USP14: variants seen among roughly 807,000 people sequenced by gnomAD.
USP14 encodes the protein ubiquitin specific peptidase 14, also known as ubiquitin carboxyl-terminal hydrolase 14.
In USP14, 38 loss-of-function variants were observed where a neutral mutation model predicts 76.5. The observed-to-expected ratio is 0.50, with a 90% confidence interval of 0.38 to 0.65. The LOEUF (loss-of-function observed/expected upper bound fraction) is 0.65, where lower values mean the gene tolerates loss of function less well. USP14 is among the 30% of genes least tolerant of loss of function. USP14 has a pLI of 0.00. For synonymous variants in USP14, 192 were observed against 191.7 expected, an observed-to-expected ratio of 1.00 and a Z score of -0.01; for missense variants, 467 against 586.5, an observed-to-expected ratio of 0.80 and a Z score of 2.10.
At position 214,611 on chromosome 18, in the gene USP14, GAA is replaced by G. The variant is rs752029619; in HGVS notation, c.*3336_*3337del. On this transcript the variant is annotated 3_prime_UTR_variant, in exon 16 of 16. Coordinates refer to ENST00000261601, the MANE Select transcript of USP14 (RefSeq NM_005151.4). ...AAATCTATCACAGTTTTAATAAAAA[GAA>G]AAAAAAAAGAAGCTAACTATTTGTC... The G allele has an allele frequency of 7.6e-5, 108 of 1,422,496 alleles. No homozygotes were observed. Among genetic ancestry groups the G allele is most frequent in the Non-Finnish European group, 1.0e-4 (106 of 1,046,736 alleles). The allele number at this position is 1,422,496 out of a possible 1,614,324, so 88.1% of individuals were successfully genotyped here. A position where few individuals can be genotyped will look rare whatever the true frequency, so the allele number is the denominator to read the frequency against.
rs1387910714 is a variant in USP14, at chr18:184,713, A to AGCCATCAGTGT, written c.404+4379_404+4389dup. Among the ~76,000 whole-genome samples the AGCCATCAGTGT allele has an allele frequency of 7.4e-4, 113 of 152,310 alleles. 1 individual carries two copies. The highest frequency in any genetic ancestry group is 2.5e-3 in the African/African-American group (104 of 41,552). The stretch of plus-strand genomic sequence containing the variant: ...AGCCTGGGAGGTCGAGTCTGCAGTG[A>AGCCATCAGTGT]GCCATCAGTGTGCCACTGCACTCCA... On this transcript the variant is annotated intron_variant, in intron 5 of 15. Coordinates refer to ENST00000261601, the MANE Select transcript of USP14 (RefSeq NM_005151.4).
intron 5 of USP14, among the ~76,000 whole-genome samples, chr18:190,144 A>T (rs1454734891): frequency 6.6e-6 from 1 of 152,140 alleles, no homozygotes; most frequent in East Asian, 1.9e-4. Flanking sequence ...TATATAGTAT[A>T]GTATTCCGTT....
At chr18:209,204 GTA>G (rs1910607428) in intron 13 of USP14, among the ~76,000 whole-genome samples, 1 of 150,722 alleles carries the variant, frequency 6.6e-6, no homozygotes, top group African/African-American at 2.4e-5. Context: ...GTGTTTCTTT[GTA>G]TAGTTTTTTC....
intron 13 of USP14, among the ~76,000 whole-genome samples, chr18:208,960 G>C (rs1387746091): frequency 6.6e-6 from 1 of 152,158 alleles, no homozygotes; most frequent in Non-Finnish European, 1.5e-5. Context: ...TGGCCAGGCT[G>C]GTCTCGAGCT....
intron 3 of USP14, among the ~76,000 whole-genome samples, chr18:174,081 T>G (rs1244134364): frequency 6.6e-6 from 1 of 152,116 alleles, no homozygotes; most frequent in Non-Finnish European, 1.5e-5. Context: ...TGCTTGTCAT[T>G]TTCTCCATAA....
intron 10 of USP14, among the ~76,000 whole-genome samples, chr18:201,094 C>T (rs1206735489): frequency 6.6e-6 from 1 of 152,210 alleles, no homozygotes; most frequent in African/African-American, 2.4e-5. Context: ...AGCCACCGTG[C>T]CCAGCCAGGA....
intron 3 of USP14, among the ~76,000 whole-genome samples, chr18:169,577 C>G (rs1909384419): frequency 6.6e-6 from 1 of 151,572 alleles, no homozygotes; most frequent in South Asian, 2.1e-4. Flanking sequence ...TCTCAAATTT[C>G]TTGGTTTTGT....
At chr18:160,230 T>G (rs945143466) in intron 1 of USP14, among the ~76,000 whole-genome samples, 22 of 152,094 alleles carry the variant, frequency 1.4e-4, no homozygotes, top group Non-Finnish European at 2.6e-4. Flanking sequence ...CTTGAACCTG[T>G]GAAGCGGAGG....
chr18:173,509 T>G (rs1273434710), intron 3 of USP14, among the ~76,000 whole-genome samples: 2 of 151,954 alleles, frequency 1.3e-5, no homozygotes, highest in African/African-American at 4.8e-5. Flanking sequence ...TCTCCCAGGT[T>G]CAAGAGATTC....
rs143499599 is a variant in USP14, at chr18:171,426, C to T, written c.195+4607C>T. On this transcript the variant is annotated intron_variant, in intron 3 of 15. Coordinates refer to ENST00000261601, the MANE Select transcript of USP14 (RefSeq NM_005151.4). ...TCTCTTAAGAATGATGCTAAATCTACTCTGCCTGTGCTCTGTATATGGAAC... is the reference window on the plus strand; with the variant it reads ...TCTCTTAAGAATGATGCTAAATCTATTCTGCCTGTGCTCTGTATATGGAAC... 8.5e-5 allele frequency among the ~76,000 whole-genome samples: 13 copies of T among 152,274 alleles called. No individual in the cohort carries two copies. In the East Asian group the frequency reaches 2.3e-3, roughly 27 times the overall value.
rs1466106965 is a variant in USP14, at chr18:214,026, A to AATT, written c.*2746_*2748dup. 2 of 149,508 alleles carry AATT rather than the reference A, an allele frequency of 1.3e-5. No homozygotes were observed. The highest frequency in any genetic ancestry group is 4.9e-5 in the African/African-American group (2 of 41,102). The allele number at this position is 149,508 out of a possible 1,614,324, so 9.3% of individuals were successfully genotyped here. On this transcript the variant is annotated 3_prime_UTR_variant, in exon 16 of 16. Transcript: ENST00000261601. ...GATGATTGATTGATGATTGATAGTA[A>AATT]ATTATTTCAGGCTTTGCAGGCTATA...
intron 3 of USP14, among the ~76,000 whole-genome samples, chr18:176,461 A>G (rs1214085694): frequency 6.6e-6 from 1 of 152,014 alleles, no homozygotes; most frequent in Non-Finnish European, 1.5e-5. Context: ...CTTGGTTTTA[A>G]TTTTTACTTT....
At chr18:172,153 G>A (rs371705703) in intron 3 of USP14, among the ~76,000 whole-genome samples, 7 of 152,074 alleles carry the variant, frequency 4.6e-5, no homozygotes, top group African/African-American at 1.7e-4. Flanking sequence ...CAGTAGGATC[G>A]CTTAAGCCTA....
At chr18:169,967 C>G (rs1389082939) in intron 3 of USP14, among the ~76,000 whole-genome samples, 1 of 152,036 alleles carries the variant, frequency 6.6e-6, no homozygotes, top group Non-Finnish European at 1.5e-5. Flanking sequence ...CTCGAGCCTC[C>G]CTATTCCCTG....
chr18:197,979 G>A (rs956968849), intron 8 of USP14, 68 bp from the exon 9 acceptor site: 1 of 1,371,140 alleles, frequency 7.3e-7, no homozygotes, highest in Middle Eastern at 2.1e-4. Flanking sequence ...TTACTAAACT[G>A]GATTGTGTGG....
chr18:179,301 G>T (rs971499761), intron 4 of USP14, among the ~76,000 whole-genome samples: 1 of 151,828 alleles, frequency 6.6e-6, no homozygotes, highest in East Asian at 1.9e-4. Context: ...ATTTACTTAG[G>T]CTTAACTTAC....
At chr18:197,896 T>C in intron 8 of USP14, 151 bp from the exon 9 acceptor site, 2 of 760,086 alleles carry the variant, frequency 2.6e-6, no homozygotes, top group South Asian at 4.8e-5. Flanking sequence ...TTAAACTTAA[T>C]TCATTGTTGA....
intron 9 of USP14, among the ~76,000 whole-genome samples, chr18:198,943 A>T (rs965473290): frequency 1.2e-4 from 18 of 152,348 alleles, no homozygotes; most frequent in Admixed American, 8.5e-4. Flanking sequence ...ATAAGACCAT[A>T]CTAAATACCA....
chr18:209,922 T>C, intron 13 of USP14, 49 bp from the exon 14 acceptor site: 1 of 1,460,604 alleles, frequency 6.8e-7, no homozygotes, highest in Non-Finnish European at 9.4e-7. Context: ...AGAATTCAAA[T>C]TTTATTTCCA....
Sources: allele counts gnomAD v4.1 joint callset (sites outside exome capture counted in the v4.1 genomes callset), GRCh38; gene constraint gnomAD v4.1.1; transcripts MANE v1.5; gene names NCBI Gene and HGNC (gene_info 2026-07-23, HGNC 2026-07-21).